SORCS3: variants seen among roughly 807,000 people sequenced by gnomAD.
SORCS3 encodes the protein sortilin related VPS10 domain containing receptor 3, also known as VPS10 domain-containing receptor SorCS3.
In SORCS3, 57 loss-of-function variants were observed where a neutral mutation model predicts 146.3. That is an observed-to-expected ratio of 0.39 (90% confidence interval 0.31 to 0.49). The LOEUF (loss-of-function observed/expected upper bound fraction) is 0.49. Ranked by LOEUF, SORCS3 falls within the 20% of genes least tolerant of loss-of-function variation. SORCS3 has a pLI of 0.92. For missense variants in SORCS3, 1,341 were observed against 1,575.5 expected (o/e 0.85, Z 2.52); for synonymous variants, 653 against 618.5 (o/e 1.06, Z -0.83).
chr10:104,758,314 A>T (rs2017080859), intron 1 of SORCS3, among the ~76,000 whole-genome samples: 1 of 152,124 alleles, frequency 6.6e-6, no homozygotes, highest in Non-Finnish European at 1.5e-5. Flanking sequence ...TCATTCCTGG[A>T]CTTTATTTTT....
intron 4 of SORCS3, among the ~76,000 whole-genome samples, chr10:105,010,936 A>G (rs1434654776): frequency 6.6e-6 from 1 of 152,126 alleles, no homozygotes; most frequent in Non-Finnish European, 1.5e-5. Flanking sequence ...GAGGCTGGTG[A>G]AGGGAGCTGG....
At chr10:104,689,617 A>C (rs928681820) in intron 1 of SORCS3, among the ~76,000 whole-genome samples, 2 of 152,078 alleles carry the variant, frequency 1.3e-5, no homozygotes, top group African/African-American at 4.8e-5. Context: ...TACTTTATTT[A>C]TATTAGCACC....
chr10:105,167,178 T>C, intron 12 of SORCS3, 80 bp from the exon 13 acceptor site: 1 of 1,100,256 alleles, frequency 9.1e-7, no homozygotes, highest in Non-Finnish European at 1.3e-6. Flanking sequence ...AAACAATATA[T>C]GTGAAAGACT....
At chr10:104,779,888 G>A (rs2017353810) in intron 1 of SORCS3, among the ~76,000 whole-genome samples, 1 of 152,220 alleles carries the variant, frequency 6.6e-6, no homozygotes, top group South Asian at 2.1e-4. Context: ...GGCGGTGTAT[G>A]TCAGTGCTGA....
rs775831856 is a variant in SORCS3 at position 105,158,879 on chromosome 10, T to G, written c.1630-13T>G. On this transcript the variant is annotated splice_polypyrimidine_tract_variant and intron_variant, in intron 10 of 26. Coordinates refer to ENST00000369701, the MANE Select transcript of SORCS3 (RefSeq NM_014978.3). ...AATTTCCTAGAATGAAACTATTTCT[T>G]TCTCCATTTTAGCCCTTCTGTTCCT... 1.3e-6 allele frequency: 2 copies of G among 1,597,514 alleles called. No homozygotes were observed. The highest frequency in any genetic ancestry group is 2.2e-5 in the South Asian group (2 of 90,724).
intron 7 of SORCS3, among the ~76,000 whole-genome samples, chr10:105,134,868 C>T (rs2056048220): frequency 6.6e-6 from 1 of 152,136 alleles, no homozygotes; most frequent in African/African-American, 2.4e-5. Flanking sequence ...AAAGTCTCAT[C>T]TGCGTATCAT....
intron 6 of SORCS3, among the ~76,000 whole-genome samples, chr10:105,094,623 A>G (rs1194020441): frequency 6.6e-6 from 1 of 152,236 alleles, no homozygotes; most frequent in African/African-American, 2.4e-5. Context: ...CAAATGATGG[A>G]CAAGTATTAG....
intron 18 of SORCS3, among the ~76,000 whole-genome samples, chr10:105,216,419 T>G (rs2056665436): frequency 6.6e-6 from 1 of 152,150 alleles, no homozygotes; most frequent in Non-Finnish European, 1.5e-5. Flanking sequence ...AGACTGGGTC[T>G]GGAACCTGGT....
At chr10:104,845,687 G>A (rs756086790) in intron 2 of SORCS3, among the ~76,000 whole-genome samples, 7 of 152,108 alleles carry the variant, frequency 4.6e-5, no homozygotes, top group Non-Finnish European at 8.8e-5. Context: ...GTTAGGGAGG[G>A]GAGAAGAGTG....
intron 14 of SORCS3, 95 bp from the exon 15 acceptor site, chr10:105,199,904 A>G (rs1036612964): frequency 1.2e-5 from 10 of 856,416 alleles, no homozygotes; most frequent in Non-Finnish European, 1.9e-5. Flanking sequence ...TCCAGGCTGC[A>G]GTGAATCTCT....
Position 104,833,610 on chromosome 10 carries a change from C to T in SORCS3, c.628-9182C>T, listed in dbSNP as rs114893889. Among the ~76,000 whole-genome samples the T allele has an allele frequency of 5.6e-3, 853 of 152,228 alleles. 14 individuals carry two copies. Among genetic ancestry groups the T allele is most frequent in the African/African-American group, 0.019 (791 of 41,534 alleles). On this transcript the variant is annotated intron_variant, in intron 1 of 26. Transcript: ENST00000369701. The stretch of plus-strand genomic sequence containing the variant: ...ACACAAATATCCCCTGTGCCAATTT[C>T]GAGAGGTCCAAACAAACTGGTTTTT...
At chr10:105,189,666 A>C (rs1281435479) in intron 14 of SORCS3, among the ~76,000 whole-genome samples, 1 of 152,190 alleles carries the variant, frequency 6.6e-6, no homozygotes, top group South Asian at 2.1e-4. Flanking sequence ...TTTCCCATGA[A>C]GAGCAGTCAG....
chr10:104,751,925 ATATATATAT>A (rs2016989606), intron 1 of SORCS3, among the ~76,000 whole-genome samples: 4 of 9,406 alleles, frequency 4.3e-4, no homozygotes, highest in Non-Finnish European at 6.6e-4. Flanking sequence ...AATAGGAAGC[ATATATATAT>A]ATATATATAT....
chr10:105,052,008 A>G (rs1279558661), intron 5 of SORCS3, among the ~76,000 whole-genome samples: 1 of 152,166 alleles, frequency 6.6e-6, no homozygotes, highest in Non-Finnish European at 1.5e-5. Context: ...TAAGACTAAA[A>G]TGCAGTGTTC....
At chr10:104,765,400 A>G (rs968045005) in intron 1 of SORCS3, among the ~76,000 whole-genome samples, 1 of 152,204 alleles carries the variant, frequency 6.6e-6, no homozygotes, top group African/African-American at 2.4e-5. Context: ...ACTCCTAAGT[A>G]GTTTAGGGGA....
intron 14 of SORCS3, among the ~76,000 whole-genome samples, chr10:105,194,561 G>A (rs1034862078): frequency 2.0e-5 from 3 of 152,096 alleles, no homozygotes; most frequent in African/African-American, 4.8e-5. Context: ...CTAAGAATTC[G>A]TTTCTCTTTG....
chr10:105,126,125 A>G (rs1055509976), intron 7 of SORCS3, among the ~76,000 whole-genome samples: 2 of 152,216 alleles, frequency 1.3e-5, no homozygotes, highest in African/African-American at 4.8e-5. Context: ...AGATAAACCA[A>G]TAAATAAAAT....
chr10:104,919,602 T>C, intron 3 of SORCS3, among the ~76,000 whole-genome samples: 1 of 151,842 alleles, frequency 6.6e-6, no homozygotes, highest in East Asian at 1.9e-4. Flanking sequence ...GGCAGGAGAA[T>C]CGCTTGAACC....
chr10:105,066,613 C>A (rs1300639814), intron 5 of SORCS3, among the ~76,000 whole-genome samples: 1 of 152,150 alleles, frequency 6.6e-6, no homozygotes, highest in Non-Finnish European at 1.5e-5. Context: ...CATGTCATGT[C>A]ATTCTGGAAG....
Sources: gnomAD v4.1 joint callset for allele counts (sites outside exome capture counted in the v4.1 genomes callset) on GRCh38, gnomAD v4.1.1 for gene constraint, MANE v1.5 for transcripts, NCBI Gene and HGNC (gene_info 2026-07-23, HGNC 2026-07-21) for gene names.